The following KCNK9 variants were observed in gnomAD, a reference collection of about 807,000 sequenced individuals.
KCNK9 encodes potassium two pore domain channel subfamily K member 9.
A neutral mutation model predicts 10.8 loss-of-function variants in KCNK9; 1 was observed. That is an observed-to-expected ratio of 0.09 (90% CI 0.03 to 0.44). The LOEUF (loss-of-function observed/expected upper bound fraction) is 0.44. KCNK9 is among the 20% of genes least tolerant of loss of function. The pLI is 0.97. For missense variants in KCNK9, 303 were observed against 515.0 expected (o/e 0.59, Z 3.98); for synonymous variants, 231 against 222.7 (o/e 1.04, Z -0.33).
chr8:139,610,087 C>T (rs984757938), downstream of KCNK9, among the ~76,000 whole-genome samples: 2 of 152,200 alleles, frequency 1.3e-5, no homozygotes, highest in African/African-American at 2.4e-5. Context: ...CCTCAGCCTC[C>T]ACCACCCAGA....
chr8:139,654,288 G>A (rs772352699), intron 1 of KCNK9, among the ~76,000 whole-genome samples: 2 of 152,230 alleles, frequency 1.3e-5, no homozygotes, highest in Non-Finnish European at 2.9e-5. Context: ...CTGGTGACCT[G>A]CAGCGTTCAG....
At chr8:139,650,357 C>G (rs1242158567) in intron 1 of KCNK9, among the ~76,000 whole-genome samples, 1 of 152,214 alleles carries the variant, frequency 6.6e-6, no homozygotes, top group Non-Finnish European at 1.5e-5. Context: ...TCACCCTGAA[C>G]ATGCATCGAC....
chr8:139,608,574 C>T (rs1814310116), downstream of KCNK9, among the ~76,000 whole-genome samples: 1 of 152,026 alleles, frequency 6.6e-6, no homozygotes, highest in Non-Finnish European at 1.5e-5. Context: ...GGCTCTTGCA[C>T]CCCCACCACA....
At chr8:139,637,131 G>A (rs141056172) in intron 1 of KCNK9, among the ~76,000 whole-genome samples, 129 of 152,338 alleles carry the variant, frequency 8.5e-4, no homozygotes, top group African/African-American at 2.9e-3. Flanking sequence ...GCATGTACAA[G>A]GCATGTGCAC....
chr8:139,645,768 C>T lies in KCNK9; in HGVS notation c.284-26669G>A, dbSNP rs1182238349. On this transcript the variant is annotated intron_variant, in intron 1 of 1. Transcript: ENST00000520439. ...TCCTGAGCACCTGCCCCGTGCAAGGCCCCAAGCGGTGCACAGGAGGAATCC... is the reference window on the plus strand; with the variant it reads ...TCCTGAGCACCTGCCCCGTGCAAGGTCCCAAGCGGTGCACAGGAGGAATCC... Among the ~76,000 whole-genome samples, 4 of 152,198 alleles carry T rather than the reference C, an allele frequency of 2.6e-5. No homozygotes were observed. The East Asian group carries it at 7.7e-4, about 29-fold the overall frequency.
At chr8:139,649,810 A>G (rs536064866) in intron 1 of KCNK9, among the ~76,000 whole-genome samples, 23 of 152,316 alleles carry the variant, frequency 1.5e-4, no homozygotes, top group Admixed American at 7.8e-4. Context: ...CTGAGCACCT[A>G]ACATGTTCTT....
chr8:139,685,330 C>T (rs183306510), intron 1 of KCNK9, among the ~76,000 whole-genome samples: 29 of 152,070 alleles, frequency 1.9e-4, no homozygotes, highest in Middle Eastern at 6.8e-3. Context: ...ATGTGCGCAA[C>T]GTGCAGGTTT....
chr8:139,663,595 G>T (rs555940885), intron 1 of KCNK9, among the ~76,000 whole-genome samples: 2 of 152,002 alleles, frequency 1.3e-5, no homozygotes, highest in African/African-American at 2.4e-5. Context: ...CACAGAGACA[G>T]AGGGAAACCC....
intron 1 of KCNK9, among the ~76,000 whole-genome samples, chr8:139,683,719 G>A (rs1816736974): frequency 6.6e-6 from 1 of 152,194 alleles, no homozygotes; most frequent in African/African-American, 2.4e-5. Flanking sequence ...GAGTGTGAAG[G>A]GCCACTGAAC....
chr8:139,653,584 C>T (rs1815932043), intron 1 of KCNK9, among the ~76,000 whole-genome samples: 1 of 151,640 alleles, frequency 6.6e-6, no homozygotes, highest in Non-Finnish European at 1.5e-5. Context: ...GGAATGTGAG[C>T]CCTGTAGGGG....
At chr8:139,664,108 T>G (rs1021978185) in intron 1 of KCNK9, among the ~76,000 whole-genome samples, 1 of 152,194 alleles carries the variant, frequency 6.6e-6, no homozygotes, top group East Asian at 1.9e-4. Context: ...CAGCCACAGC[T>G]AAGATTTGAA....
At chr8:139,674,260 C>T (rs1046316657) in intron 1 of KCNK9, among the ~76,000 whole-genome samples, 2 of 152,214 alleles carry the variant, frequency 1.3e-5, no homozygotes, top group Non-Finnish European at 2.9e-5. Flanking sequence ...ATGACCTCTC[C>T]TCTTTCCGCT....
rs181456050 is a variant in KCNK9 at position 139,644,328 on chromosome 8, C to T, written c.284-25229G>A. Reference sequence around the variant, plus strand: ...GTCCTCAGAACATTTCTCCTTCCAGCGGGCTCCCATTTTTCCTCTTCTATT... The same window carrying T: ...GTCCTCAGAACATTTCTCCTTCCAGTGGGCTCCCATTTTTCCTCTTCTATT... On this transcript the variant is annotated intron_variant, in intron 1 of 1. Transcript: ENST00000520439. 2.2e-3 allele frequency among the ~76,000 whole-genome samples: 329 copies of T among 152,338 alleles called. 1 individual carries two copies. The highest frequency in any genetic ancestry group is 3.7e-3 in the Non-Finnish European group (249 of 68,030).
At chr8:139,641,445 C>G (rs1815502317) in intron 1 of KCNK9, among the ~76,000 whole-genome samples, 1 of 152,210 alleles carries the variant, frequency 6.6e-6, no homozygotes, top group Admixed American at 6.5e-5. Context: ...GCCCTGGGTC[C>G]TGGCACTCCT....
At chr8:139,630,981 C>T (rs917627023) in intron 1 of KCNK9, among the ~76,000 whole-genome samples, 26 of 152,230 alleles carry the variant, frequency 1.7e-4, no homozygotes, top group African/African-American at 6.3e-4. Context: ...GAGCCTGTGC[C>T]TCAGGGGCTC....
At chr8:139,660,223 G>A (rs1282882597) in intron 1 of KCNK9, among the ~76,000 whole-genome samples, 4 of 152,074 alleles carry the variant, frequency 2.6e-5, no homozygotes, top group South Asian at 4.2e-4. Flanking sequence ...AAAGCACTTA[G>A]AGCACCCCTT....
intron 1 of KCNK9, among the ~76,000 whole-genome samples, chr8:139,679,291 C>G (rs1467435969): frequency 6.6e-6 from 1 of 152,224 alleles, no homozygotes; most frequent in Non-Finnish European, 1.5e-5. Context: ...CCTCTGCTCT[C>G]CCCTCCTCTT....
At chr8:139,616,420 G>A (rs564437924), downstream of KCNK9, 5 of 152,336 alleles carry the variant, frequency 3.3e-5, no homozygotes, top group South Asian at 4.1e-4. Flanking sequence ...TTGGCCTAGA[G>A]AATCTGAGGT....
intron 1 of KCNK9, among the ~76,000 whole-genome samples, chr8:139,666,741 A>G (rs1468383793): frequency 6.6e-6 from 1 of 152,272 alleles, no homozygotes; most frequent in African/African-American, 2.4e-5. Context: ...GTCTAGCTGT[A>G]TCCGCTAGTT....
Sources: allele counts gnomAD v4.1 joint callset (sites outside exome capture counted in the v4.1 genomes callset), GRCh38; gene constraint gnomAD v4.1.1; transcripts MANE v1.5; gene names NCBI Gene and HGNC (gene_info 2026-07-23, HGNC 2026-07-21).